The following ALK variants were observed in gnomAD, a reference collection of about 807,000 sequenced individuals.
The protein encoded by ALK is ALK receptor tyrosine kinase.
Under a neutral mutation model 163.1 loss-of-function variants are expected in ALK, and 74 were observed. The observed-to-expected ratio is 0.45, with a 90% CI of 0.38 to 0.55. The LOEUF is 0.55. Ranked by LOEUF, ALK falls within the 20% of genes least tolerant of loss-of-function variation. ALK has a pLI of 0.00. For missense variants in ALK, 2,063 were observed against 2,105.3 expected (o/e 0.98, Z 0.39); for synonymous variants, 960 against 843.2 (o/e 1.14, Z -2.40).
chr2:29,665,372 T>C (rs886386528), intron 3 of ALK, among the ~76,000 whole-genome samples: 1 of 152,082 alleles, frequency 6.6e-6, no homozygotes, highest in Non-Finnish European at 1.5e-5. Flanking sequence ...CTGAGCCTAC[T>C]GTATTTTTTT....
chr2:29,690,372 A>G (rs1678359260), intron 3 of ALK, among the ~76,000 whole-genome samples: 1 of 152,184 alleles, frequency 6.6e-6, no homozygotes, highest in Admixed American at 6.5e-5. Flanking sequence ...GAGCCTCCTC[A>G]CTGTGGAGTC....
intron 1 of ALK, among the ~76,000 whole-genome samples, chr2:29,894,333 G>A (rs1350077917): frequency 6.6e-6 from 1 of 152,118 alleles, no homozygotes; most frequent in Non-Finnish European, 1.5e-5. Flanking sequence ...CAGGAGTCCT[G>A]AGCTCCTGCT....
intron 3 of ALK, among the ~76,000 whole-genome samples, chr2:29,610,796 A>G (rs1675669690): frequency 6.6e-6 from 1 of 152,280 alleles, no homozygotes; most frequent in East Asian, 1.9e-4. Context: ...CTGCTTCTCA[A>G]CAATAATTAA....
At position 29,706,684 on chromosome 2, in the gene ALK, G is replaced by A. The variant is rs532387076; in HGVS notation, c.787+10894C>T. On this transcript the variant is annotated intron_variant, in intron 2 of 28. Transcript: ENST00000389048. ...GCACACTGCAGTGGGAGATACACAC[G>A]GAAAGCTGAATTCTTATTTCTCTTA... Among the ~76,000 whole-genome samples the A allele has an allele frequency of 6.6e-5, 10 of 152,272 alleles. No homozygotes were observed. The South Asian group carries it at 1.7e-3, about 25-fold the overall frequency.
At chr2:29,447,448 A>C (rs890681169) in intron 4 of ALK, among the ~76,000 whole-genome samples, 1 of 151,972 alleles carries the variant, frequency 6.6e-6, no homozygotes, top group African/African-American at 2.4e-5. Flanking sequence ...CACAGCAAGG[A>C]GTGGCTTTAG....
Position 29,297,062 on chromosome 2 carries a change from G to A in ALK, c.1648-5C>T. 1 of 1,614,152 alleles carries A rather than the reference G, an allele frequency of 6.2e-7. No individual in the cohort carries two copies. The highest frequency in any genetic ancestry group is 8.5e-7 in the Non-Finnish European group (1 of 1,180,014). On this transcript the variant is annotated splice_region_variant and splice_polypyrimidine_tract_variant and intron_variant, in intron 8 of 28. Transcript: ENST00000389048. ...AATGAGCCAGGACATTCGGAGCTGT[G>A]AGGGCGAGAAGAGTCAGAGGACAAG...
chr2:29,656,763 G>T (rs1677196689), intron 3 of ALK, among the ~76,000 whole-genome samples: 1 of 152,040 alleles, frequency 6.6e-6, no homozygotes, highest in Admixed American at 6.6e-5. Context: ...AGCAAGGAGG[G>T]ATCAAACCTT....
intron 2 of ALK, among the ~76,000 whole-genome samples, chr2:29,707,156 A>T (rs1271237804): frequency 6.6e-6 from 1 of 152,100 alleles, no homozygotes; most frequent in East Asian, 1.9e-4. Context: ...AGAAGGCTGG[A>T]GATGAACTCT....
chr2:29,285,444 T>C (rs905770145), intron 9 of ALK, among the ~76,000 whole-genome samples: 11 of 152,176 alleles, frequency 7.2e-5, no homozygotes, highest in African/African-American at 2.4e-4. Flanking sequence ...AGAGATGGGG[T>C]TTCACTATGT....
intron 13 of ALK, among the ~76,000 whole-genome samples, chr2:29,236,122 A>C (rs1011476861): frequency 2.0e-5 from 3 of 151,658 alleles, no homozygotes; most frequent in East Asian, 3.9e-4. Flanking sequence ...GATTACGGGC[A>C]TGAGCCATCA....
chr2:29,916,882 G>A (rs1032557281), intron 1 of ALK, among the ~76,000 whole-genome samples: 9 of 152,242 alleles, frequency 5.9e-5, no homozygotes, highest in African/African-American at 1.9e-4. Flanking sequence ...CCTGGGAGAG[G>A]CCAGAACCAT....
chr2:29,523,703 G>A (rs902875448), intron 4 of ALK, among the ~76,000 whole-genome samples: 8 of 152,004 alleles, frequency 5.3e-5, no homozygotes, highest in Non-Finnish European at 1.0e-4. Flanking sequence ...TGACAAGCAC[G>A]GGGTTACAGG....
In ALK at chr2:29,336,303, C is replaced by A. The variant is rs528392368; in HGVS notation, c.1283-7822G>T. ...GAGGTTGATTGGATAGAGTTAGTGT[C>A]GACTTTATTAATGCTGGCTGTTGTT... On this transcript the variant is annotated intron_variant, in intron 5 of 28. Transcript: ENST00000389048. Among the ~76,000 whole-genome samples, 7 of 152,244 alleles carry A rather than the reference C, an allele frequency of 4.6e-5. No individual in the cohort carries two copies. In the East Asian group the frequency reaches 1.4e-3, roughly 29 times the overall value.
At chr2:29,266,594 C>T (rs1022187072) in intron 11 of ALK, among the ~76,000 whole-genome samples, 6 of 152,184 alleles carry the variant, frequency 3.9e-5, no homozygotes, top group African/African-American at 1.2e-4. Context: ...AGTACAATAG[C>T]CAGCTCTGAG....
At chr2:29,225,399 G>A (rs2148176147) in intron 19 of ALK, 62 bp downstream of exon 19, 1 of 1,409,650 alleles carries the variant, frequency 7.1e-7, no homozygotes, top group Non-Finnish European at 9.9e-7. Flanking sequence ...GGCACAGCCT[G>A]AGACACTATT....
At chr2:29,320,038 C>T (rs539339337) in intron 7 of ALK, among the ~76,000 whole-genome samples, 46 of 152,380 alleles carry the variant, frequency 3.0e-4, no homozygotes, top group East Asian at 1.4e-3. Flanking sequence ...CTAGCCTGGC[C>T]TCTCCAGCAG....
In ALK at chr2:29,875,644, C is replaced by T. The variant is rs150323623; in HGVS notation, c.667+44349G>A. 6.9e-3 allele frequency among the ~76,000 whole-genome samples: 1,045 copies of T among 152,190 alleles called. 11 individuals are homozygous for T. Among genetic ancestry groups the T allele is most frequent in the African/African-American group, 0.023 (957 of 41,506 alleles). On this transcript the variant is annotated intron_variant, in intron 1 of 28. Transcript: ENST00000389048. Reference sequence around the variant, plus strand: ...TCCTCCCACTGTGTCCATGTGTTCTCGTTGTTCAATTCCCACTTATGAGTG... The same window carrying T: ...TCCTCCCACTGTGTCCATGTGTTCTTGTTGTTCAATTCCCACTTATGAGTG...
chr2:29,255,767 T>C (rs1414330291), intron 11 of ALK, among the ~76,000 whole-genome samples: 1 of 152,176 alleles, frequency 6.6e-6, no homozygotes. Flanking sequence ...TTTTCATGAT[T>C]GACCCACCAG....
At chr2:29,406,074 G>A (rs1669572859) in intron 4 of ALK, among the ~76,000 whole-genome samples, 1 of 152,222 alleles carries the variant, frequency 6.6e-6, no homozygotes, top group African/African-American at 2.4e-5. Context: ...GCTAGGAGCT[G>A]TGATTGTATT....
Sources: allele counts gnomAD v4.1 joint callset (sites outside exome capture counted in the v4.1 genomes callset), GRCh38; gene constraint gnomAD v4.1.1; transcripts MANE v1.5; gene names NCBI Gene and HGNC (gene_info 2026-07-23, HGNC 2026-07-21).